The following RBFOX1 variants were observed in gnomAD, a reference collection of about 807,000 sequenced individuals.
The protein encoded by RBFOX1 is RNA binding protein fox-1 homolog 1.
RBFOX1 carries 8 observed loss-of-function variants against 57.7 expected under a neutral mutation model. The observed-to-expected ratio is 0.14, with a 90% CI of 0.08 to 0.25. The LOEUF (loss-of-function observed/expected upper bound fraction) is 0.25. Ranked by LOEUF, RBFOX1 falls within the 10% of genes least tolerant of loss-of-function variation. The probability of loss-of-function intolerance (pLI) is 1.00; values close to 1 mark genes in which losing one functional copy is unlikely to be tolerated. For missense variants in RBFOX1, 611 were observed against 548.5 expected (o/e 1.11, Z -1.14); for synonymous variants, 326 against 222.4 (o/e 1.47, Z -4.15).
intron 4 of RBFOX1, among the ~76,000 whole-genome samples, chr16:7,515,749 A>G (rs1214835290): frequency 1.3e-5 from 2 of 152,212 alleles, no homozygotes; most frequent in South Asian, 2.1e-4. Context: ...GGGACTCAGT[A>G]GAAACCTCTC....
At chr16:5,630,424 T>C (rs2048470491) in intron 3 of RBFOX1, among the ~76,000 whole-genome samples, 1 of 151,462 alleles carries the variant, frequency 6.6e-6, no homozygotes, top group African/African-American at 2.4e-5. Context: ...GCTATTGCAC[T>C]CCAGCCTGGG....
At chr16:7,122,150 T>G (rs1028027449) in intron 4 of RBFOX1, among the ~76,000 whole-genome samples, 7 of 152,152 alleles carry the variant, frequency 4.6e-5, no homozygotes, top group Non-Finnish European at 1.5e-5. Flanking sequence ...CCAAAAAGGT[T>G]TAATTTGACT....
intron 2 of RBFOX1, among the ~76,000 whole-genome samples, chr16:6,369,829 A>T (rs1367038580): frequency 6.6e-6 from 1 of 152,198 alleles, no homozygotes; most frequent in Non-Finnish European, 1.5e-5. Context: ...ACCTAACCAC[A>T]ATACAATTCC....
intron 2 of RBFOX1, among the ~76,000 whole-genome samples, chr16:6,371,910 G>C (rs1442766473): frequency 6.6e-6 from 1 of 152,156 alleles, no homozygotes; most frequent in Non-Finnish European, 1.5e-5. Flanking sequence ...TTATCTGTCT[G>C]TTAGGCTGTG....
chr16:5,926,229 A>C (rs1236694932), intron 4 of RBFOX1, among the ~76,000 whole-genome samples: 2 of 152,212 alleles, frequency 1.3e-5, no homozygotes, highest in African/African-American at 4.8e-5. Flanking sequence ...CCCATATGAC[A>C]CTTTGGCAAA....
At chr16:7,623,619 T>G (rs2142150503) in intron 10 of RBFOX1, among the ~76,000 whole-genome samples, 1 of 152,292 alleles carries the variant, frequency 6.6e-6, no homozygotes, top group Middle Eastern at 3.4e-3. Context: ...CATGAAGCTT[T>G]GCTCGCTCAC....
intron 2 of RBFOX1, among the ~76,000 whole-genome samples, chr16:6,441,614 C>T (rs1364832136): frequency 2.0e-5 from 3 of 152,062 alleles, no homozygotes; most frequent in East Asian, 1.9e-4. Context: ...GACGGGGTTT[C>T]GCCATGTCAT....
chr16:7,194,654 A>T (rs1602553678), intron 4 of RBFOX1, among the ~76,000 whole-genome samples: 1 of 152,222 alleles, frequency 6.6e-6, no homozygotes, highest in East Asian at 1.9e-4. Flanking sequence ...TAGCCCAGGC[A>T]CAGTGGCTCA....
At chr16:6,866,869 C>A (rs1295616670) in intron 3 of RBFOX1, among the ~76,000 whole-genome samples, 1 of 151,994 alleles carries the variant, frequency 6.6e-6, no homozygotes, top group African/African-American at 2.4e-5. Context: ...AAGGTTGTAA[C>A]TTTTGCATGT....
intron 3 of RBFOX1, among the ~76,000 whole-genome samples, chr16:6,968,940 A>G (rs925331725): frequency 6.6e-6 from 1 of 152,036 alleles, no homozygotes. Context: ...CCAGTCCCAC[A>G]GTGACCAGAT....
chr16:7,586,886 G>T (rs576159250), intron 6 of RBFOX1, among the ~76,000 whole-genome samples: 12 of 152,320 alleles, frequency 7.9e-5, no homozygotes, highest in African/African-American at 2.9e-4. Flanking sequence ...TTCATCAAGG[G>T]TGTTTCTCCC....
At chr16:5,926,430 C>G (rs1464498513) in intron 4 of RBFOX1, among the ~76,000 whole-genome samples, 3 of 151,950 alleles carry the variant, frequency 2.0e-5, no homozygotes, top group Non-Finnish European at 2.9e-5. Context: ...CTGGGGGGTG[C>G]TTTTGGAATC....
intron 4 of RBFOX1, among the ~76,000 whole-genome samples, chr16:5,924,517 C>G (rs906043434): frequency 2.6e-5 from 4 of 152,138 alleles, no homozygotes; most frequent in African/African-American, 9.7e-5. Context: ...CCTTCTCCCT[C>G]TCTCTCTTGC....
chr16:6,837,544 T>C (rs2141293187), intron 3 of RBFOX1, among the ~76,000 whole-genome samples: 1 of 152,304 alleles, frequency 6.6e-6, no homozygotes, highest in South Asian at 2.1e-4. Context: ...ATAATAAAAA[T>C]GGTTTAGCAT....
At chr16:7,201,695 T>G (rs1266160678) in intron 4 of RBFOX1, among the ~76,000 whole-genome samples, 1 of 152,078 alleles carries the variant, frequency 6.6e-6, no homozygotes, top group African/African-American at 2.4e-5. Context: ...AATCCAGACC[T>G]CAGGTGGTCC....
chr16:6,866,611 G>A (rs1303420947), intron 3 of RBFOX1, among the ~76,000 whole-genome samples: 1 of 137,450 alleles, frequency 7.3e-6, no homozygotes, highest in African/African-American at 2.8e-5. Context: ...GTGCGATCTC[G>A]GCTCACTGCA....
At chr16:5,406,507 C>A (rs2066871506) in intron 1 of RBFOX1, among the ~76,000 whole-genome samples, 1 of 152,094 alleles carries the variant, frequency 6.6e-6, no homozygotes, top group South Asian at 2.1e-4. Context: ...ACTTCTTAAT[C>A]TCCATAATTC....
chr16:5,866,856 A>C (rs1297716722), intron 3 of RBFOX1, among the ~76,000 whole-genome samples: 1 of 152,220 alleles, frequency 6.6e-6, no homozygotes, highest in Non-Finnish European at 1.5e-5. Context: ...TTTTGCAAAC[A>C]TGAAGCTGCT....
intron 1 of RBFOX1, among the ~76,000 whole-genome samples, chr16:6,057,336 A>G (rs561336695): frequency 2.3e-4 from 35 of 152,156 alleles, no homozygotes; most frequent in Non-Finnish European, 8.8e-5. Context: ...ATATCATGCA[A>G]CTGTTTATTA....
Sources: allele counts gnomAD v4.1 joint callset (sites outside exome capture counted in the v4.1 genomes callset), GRCh38; gene constraint gnomAD v4.1.1; transcripts MANE v1.5; gene names NCBI Gene and HGNC (gene_info 2026-07-23, HGNC 2026-07-21).